The following ASAH1 variants were observed in gnomAD, a reference collection of about 807,000 sequenced individuals.
ASAH1 encodes acid ceramidase.
Under a neutral mutation model 59.5 loss-of-function variants are expected in ASAH1, and 70 were observed. The ratio of observed to expected loss-of-function variants is 1.18; its 90% CI spans 0.97 to 1.43. The LOEUF is 1.43. ASAH1 is among the 40% of genes most tolerant of loss of function. ASAH1 has a pLI of 0.00. For synonymous variants in ASAH1, 213 were observed against 166.5 expected (o/e 1.28, Z -2.15); for missense variants, 660 against 482.5 (o/e 1.37, Z -3.45).
chr8:18,076,691 A>C (rs560972983), intron 1 of ASAH1: 1 of 152,280 alleles, frequency 6.6e-6, no homozygotes, highest in East Asian at 1.9e-4. Flanking sequence ...AACTCTTGGA[A>C]CTGTAGCTTG....
In ASAH1 at chr8:18,058,901, A is replaced by G. The variant is rs771591421; in HGVS notation, c.1042-10T>C. ...TTTCAAATGAGATATTCTAAAACAC[A>G]AGAAAATAGTTTTGTTCAGTAAGTT... On this transcript the variant is annotated splice_polypyrimidine_tract_variant and intron_variant, in intron 12 of 13. Coordinates refer to ENST00000637790, the MANE Select transcript of ASAH1 (RefSeq NM_177924.5). 93 of 1,609,294 alleles carry G rather than the reference A, an allele frequency of 5.8e-5. No homozygotes were observed. Among genetic ancestry groups the G allele is most frequent in the Non-Finnish European group, 7.4e-5 (87 of 1,175,786 alleles).
At chr8:18,079,276 A>C (rs78740489) in intron 1 of ASAH1, among the ~76,000 whole-genome samples, 1 of 150,314 alleles carries the variant, frequency 6.7e-6, no homozygotes, top group South Asian at 2.1e-4. Flanking sequence ...CCATCTCAGA[A>C]AAAAAAAAAA....
intron 1 of ASAH1, among the ~76,000 whole-genome samples, chr8:18,079,700 A>G (rs1800570929): frequency 6.6e-6 from 1 of 152,182 alleles, no homozygotes; most frequent in African/African-American, 2.4e-5. Context: ...TTTCATACCC[A>G]CCAGAAGCCA....
In ASAH1 at chr8:18,064,598, G is replaced by A. The variant is rs7017168; in HGVS notation, c.383-67C>T. 2.1e-3 allele frequency: 2,026 copies of A among 957,996 alleles called. 19 individuals carry two copies. In the African/African-American group the frequency reaches 0.028, roughly 13 times the overall value. The allele number at this position is 957,996 out of a possible 1,614,324, so 59.3% of individuals were successfully genotyped here. On this transcript the variant is annotated intron_variant, in intron 5 of 13. Coordinates refer to ENST00000637790, the MANE Select transcript of ASAH1 (RefSeq NM_177924.5). Reference sequence around the variant, plus strand: ...ACAATGGGAGAAAAATTTGTTTTAAGAAAAAGTTTCAGTGTTTTCATTGTG... The same window carrying A: ...ACAATGGGAGAAAAATTTGTTTTAAAAAAAAGTTTCAGTGTTTTCATTGTG...
At chr8:18,071,594 T>C (rs777828021) in intron 2 of ASAH1, among the ~76,000 whole-genome samples, 1 of 152,142 alleles carries the variant, frequency 6.6e-6, no homozygotes, top group Non-Finnish European at 1.5e-5. Flanking sequence ...ACAGAAATCC[T>C]GGAATAGAAT....
chr8:18,063,090 G>A (rs982870624), intron 7 of ASAH1, 95 bp downstream of exon 7: 1 of 1,190,902 alleles, frequency 8.4e-7, no homozygotes, highest in Non-Finnish European at 1.2e-6. Context: ...GGCTGGTCTT[G>A]AACTCCTGAC....
chr8:18,069,717 GA>G (rs1207043283), intron 4 of ASAH1, 74 bp downstream of exon 4: 2 of 1,124,932 alleles, frequency 1.8e-6, no homozygotes. Context: ...AGAGGTTGCT[GA>G]ATTATGCCTT....
Position 18,063,178 on chromosome 8 carries a change from T to C in ASAH1, c.503+7A>G. 6.2e-7 allele frequency: 1 copy of C among 1,613,696 alleles called. No individual in the cohort carries two copies. Among genetic ancestry groups the C allele is most frequent in the Non-Finnish European group, 8.5e-7 (1 of 1,179,642 alleles). ...CCACCATGCCTGACCCTTTGTTCTT[T>C]ACTTACCCAAGAAATACTCCAAAAT... On this transcript the variant is annotated splice_region_variant and intron_variant, in intron 7 of 13. Transcript: ENST00000637790.
upstream of ASAH1, chr8:18,084,257 TAGAGAA>T: frequency 6.9e-7 from 1 of 1,455,788 alleles, no homozygotes; most frequent in East Asian, 2.5e-5. Context: ...AAGGGTGGCG[TAGAGAA>T]AGAGAGAGAG....
chr8:18,075,283 G>A (rs1364473083), intron 2 of ASAH1, among the ~76,000 whole-genome samples: 1 of 152,102 alleles, frequency 6.6e-6, no homozygotes, highest in Non-Finnish European at 1.5e-5. Context: ...GTGAGCCACC[G>A]CGTCTGGCTG....
At chr8:18,061,662 T>C in intron 9 of ASAH1, 24 bp downstream of exon 9, 1 of 1,580,286 alleles carries the variant, frequency 6.3e-7, no homozygotes, top group Non-Finnish European at 8.6e-7. Flanking sequence ...AGATTCCCAT[T>C]TCACTTGAGA....
At chr8:18,081,721 G>C (rs908203602) in intron 1 of ASAH1, among the ~76,000 whole-genome samples, 1 of 152,172 alleles carries the variant, frequency 6.6e-6, no homozygotes, top group African/African-American at 2.4e-5. Flanking sequence ...ATTTAAAGCT[G>C]CTTCTCATTA....
At chr8:18,077,599 C>T (rs1376552925) in intron 1 of ASAH1, among the ~76,000 whole-genome samples, 1 of 152,102 alleles carries the variant, frequency 6.6e-6, no homozygotes, top group Non-Finnish European at 1.5e-5. Flanking sequence ...AAATCACATG[C>T]TTTGTTCTTT....
chr8:18,074,133 T>C (rs970768949), intron 2 of ASAH1, among the ~76,000 whole-genome samples: 10 of 152,154 alleles, frequency 6.6e-5, no homozygotes, highest in Admixed American at 5.2e-4. Flanking sequence ...GCCTCAAACA[T>C]GGAAGGCACC....
At chr8:18,084,409 GT>G, upstream of ASAH1, 1 of 1,392,090 alleles carries the variant, frequency 7.2e-7, no homozygotes, top group Non-Finnish European at 9.3e-7. Flanking sequence ...AGCTTCACCC[GT>G]GGCGCCTCGA....
chr8:18,068,872 T>C (rs1327504267), intron 4 of ASAH1, among the ~76,000 whole-genome samples: 1 of 152,032 alleles, frequency 6.6e-6, no homozygotes, highest in Non-Finnish European at 1.5e-5. Flanking sequence ...ACACCTACGA[T>C]CCCAACACTT....
chr8:18,069,046 C>A (rs983566136), intron 4 of ASAH1, among the ~76,000 whole-genome samples: 9 of 148,948 alleles, frequency 6.0e-5, no homozygotes, highest in African/African-American at 2.2e-4. Context: ...GAGGCTGAGG[C>A]AGAAGGATCC....
upstream of ASAH1, chr8:18,084,361 G>A (rs911492573): frequency 7.1e-7 from 1 of 1,406,354 alleles, no homozygotes; most frequent in Non-Finnish European, 9.2e-7. Flanking sequence ...GGCAATAGTC[G>A]GACCGAGCCG....
At chr8:18,061,646 GCT>G in intron 9 of ASAH1, 38 bp downstream of exon 9, 1 of 1,568,292 alleles carries the variant, frequency 6.4e-7, no homozygotes, top group South Asian at 1.2e-5. Flanking sequence ...TCATAAAAAA[GCT>G]CTGAGATTCC....
Sources: gnomAD v4.1 joint callset for allele counts (sites outside exome capture counted in the v4.1 genomes callset) on GRCh38, gnomAD v4.1.1 for gene constraint, MANE v1.5 for transcripts, NCBI Gene and HGNC (gene_info 2026-07-23, HGNC 2026-07-21) for gene names.